Variants in RBM33 observed in about 807,000 individuals in gnomAD.
RBM33 encodes RNA-binding protein 33.
In RBM33, 28 loss-of-function variants were observed where a neutral mutation model predicts 132.6. The ratio of observed to expected loss-of-function variants is 0.21; its 90% confidence interval spans 0.16 to 0.29. The LOEUF (loss-of-function observed/expected upper bound fraction) is 0.29. Ranked by LOEUF, RBM33 falls within the 10% of genes least tolerant of loss-of-function variation. The pLI, the probability that RBM33 is intolerant of heterozygous loss-of-function variation, is 1.00. For synonymous variants in RBM33, 634 were observed against 593.0 expected (o/e 1.07, Z -1.01); for missense variants, 1,291 against 1,518.5 (o/e 0.85, Z 2.49).
At chr7:155,750,814 C>G (rs1374004714) in intron 14 of RBM33, among the ~76,000 whole-genome samples, 3 of 150,222 alleles carry the variant, frequency 2.0e-5, no homozygotes, top group Admixed American at 6.6e-5. Context: ...TTATTCTAAT[C>G]AAGTTAATGA....
intron 10 of RBM33, 33 bp downstream of exon 10, chr7:155,737,695 C>T (rs1445250179): frequency 6.6e-7 from 1 of 1,519,608 alleles, no homozygotes; most frequent in South Asian, 1.3e-5. Flanking sequence ...GGAGTAACAA[C>T]AGAAGCTGCA....
chr7:155,764,900 A>C (rs1212296150), intron 15 of RBM33, among the ~76,000 whole-genome samples: 1 of 152,266 alleles, frequency 6.6e-6, no homozygotes, highest in Non-Finnish European at 1.5e-5. Flanking sequence ...TCTCATAAAC[A>C]CTTCATGATA....
rs990508770 is a variant in RBM33 at position 155,645,066 on chromosome 7, C to T, written c.43+147C>T. 4.6e-5 allele frequency: 25 copies of T among 549,012 alleles called. No individual in the cohort carries two copies. The African/African-American group carries it at 4.6e-4, about 10-fold the overall frequency. The allele number at this position is 549,012 out of a possible 1,614,324, so 34.0% of individuals were successfully genotyped here. On this transcript the variant is annotated intron_variant, in intron 1 of 17. Transcript: ENST00000401878. ...TCGGCCTATTCCGTTTTCTCCCTCG[C>T]CTTCCCTCGCTATTGTCATTCTCCC...
At position 155,644,733 on chromosome 7, in the gene RBM33, C is replaced by G. The variant is rs1585386486; in HGVS notation, c.-144C>G. On this transcript the variant is annotated 5_prime_UTR_variant, in exon 1 of 18. Transcript: ENST00000401878. ...GCGGAGGCGAAGGGCCAGCTGTGGA[C>G]CGCGAAGCGCCCGGCTTCGCCTCTG... 3.2e-6 allele frequency: 2 copies of G among 618,514 alleles called. No individual in the cohort carries two copies. Among genetic ancestry groups the G allele is most frequent in the Admixed American group, 8.4e-5 (2 of 23,908 alleles). 38.3% of individuals were successfully genotyped at this position (618,514 alleles called of 1,614,324 possible).
Position 155,742,739 on chromosome 7 carries a change from A to G in RBM33, c.2337+633A>G, listed in dbSNP as rs541018216. On this transcript the variant is annotated intron_variant, in intron 13 of 17. Coordinates refer to ENST00000401878, the MANE Select transcript of RBM33 (RefSeq NM_053043.3). ...TGTTGTTCCTAATTTTTCAGTAGGC[A>G]CAGAATGTAGTGAGTGTGAACAATC... is the stretch of plus-strand genomic sequence containing the variant. Among the ~76,000 whole-genome samples, 3 of 152,334 alleles carry G rather than the reference A, an allele frequency of 2.0e-5. No individual in the cohort carries two copies. The East Asian group carries it at 5.8e-4, about 29-fold the overall frequency.
intron 1 of RBM33, among the ~76,000 whole-genome samples, chr7:155,649,898 T>A (rs1342452903): frequency 6.6e-6 from 1 of 152,236 alleles, no homozygotes; most frequent in Non-Finnish European, 1.5e-5. Context: ...CTTCTGCATA[T>A]GCGTAGCTCA....
At chr7:155,703,821 A>T (rs1217866718) in intron 6 of RBM33, among the ~76,000 whole-genome samples, 1 of 152,256 alleles carries the variant, frequency 6.6e-6, no homozygotes, top group Non-Finnish European at 1.5e-5. Context: ...ATCAAAATAA[A>T]AAAACCTGAA....
At chr7:155,669,363 T>C (rs1798883828) in intron 2 of RBM33, among the ~76,000 whole-genome samples, 1 of 152,160 alleles carries the variant, frequency 6.6e-6, no homozygotes, top group Non-Finnish European at 1.5e-5. Context: ...AGTTTTTGTT[T>C]GTTTTTGTTT....
In RBM33 at chr7:155,695,166, C is replaced by G. The variant is rs147449538; in HGVS notation, c.568-5607C>G. 1.7e-3 allele frequency among the ~76,000 whole-genome samples: 256 copies of G among 152,230 alleles called. 2 individuals carry two copies. The highest frequency in any genetic ancestry group is 5.9e-3 in the African/African-American group (245 of 41,532). On this transcript the variant is annotated intron_variant, in intron 5 of 17. Transcript: ENST00000401878. ...CACCATTCCATGTGCGATTGGACTTCCGTATATCTTCTTTGCTTCTAGTTT... is the reference window on the plus strand; with the variant it reads ...CACCATTCCATGTGCGATTGGACTTGCGTATATCTTCTTTGCTTCTAGTTT...
chr7:155,660,039 T>G (rs991556575), intron 1 of RBM33, among the ~76,000 whole-genome samples: 1 of 152,252 alleles, frequency 6.6e-6, no homozygotes, highest in African/African-American at 2.4e-5. Context: ...ATATCCAGTG[T>G]GATCTCATCC....
In RBM33 at chr7:155,745,487, G is replaced by A. The variant is rs773379084; in HGVS notation, c.2864G>A (p.Arg955Gln). 11 of 1,613,526 alleles carry A rather than the reference G, an allele frequency of 6.8e-6. No homozygotes were observed. The highest frequency in any genetic ancestry group is 3.3e-4 in the Middle Eastern group (2 of 6,060). Residue 955 changes from arginine (R) to glutamine (Q), a missense_variant, in exon 14 of 18, where the codon CGG becomes CAG. Arg to Gln is a conservative substitution (Grantham distance 43, BLOSUM62 1). This residue lies in a region of RBM33 where 841 missense variants were observed against 912.0 expected (regional missense o/e 0.92). Coordinates refer to ENST00000401878, the MANE Select transcript of RBM33 (RefSeq NM_053043.3). The surrounding 1 kb of genome is among the most constrained non-coding windows in gnomAD (Gnocchi z 4.1). ...CCTCGAGTGGCGTCCATCCAGGGCCGGCCCCAGGACACAAAGCCTGGCGTG... is the reference window on the plus strand; with the variant it reads ...CCTCGAGTGGCGTCCATCCAGGGCCAGCCCCAGGACACAAAGCCTGGCGTG... ...QTPRVASIQG[R>Q]PQDTKPGVKR... is the part of the protein sequence containing the mutation.
At chr7:155,707,183 G>C in intron 7 of RBM33, 115 bp downstream of exon 7, 1 of 948,370 alleles carries the variant, frequency 1.1e-6, no homozygotes, top group East Asian at 2.6e-5. Flanking sequence ...AAGGTTAGTA[G>C]CAGGGGTAAT....
Position 155,739,819 on chromosome 7 carries a change from G to GC in RBM33, c.1847dup (p.Pro617AlafsTer68). 2 of 469,800 alleles carry GC rather than the reference G, an allele frequency of 4.3e-6. No individual in the cohort carries two copies. Among genetic ancestry groups the GC allele is most frequent in the Admixed American group, 5.2e-5 (1 of 19,120 alleles). The allele number at this position is 469,800 out of a possible 1,614,324, so 29.1% of individuals were successfully genotyped here. On this transcript the variant is annotated frameshift_variant, in exon 12 of 18. Transcript: ENST00000401878. LOFTEE classifies it high-confidence loss of function. ...AGCCTCCGCACCAGCCCCCGCACCA[G>GC]CCCCCGCCCCAGCACCAGCCCCCAC...
chr7:155,673,703 TAC>T (rs574765953), intron 3 of RBM33, among the ~76,000 whole-genome samples: 6 of 127,650 alleles, frequency 4.7e-5, no homozygotes, highest in African/African-American at 1.8e-4. Context: ...CATATATACA[TAC>T]ACACGTGTAT....
At chr7:155,683,457 G>A (rs900661433) in intron 5 of RBM33, among the ~76,000 whole-genome samples, 5 of 152,146 alleles carry the variant, frequency 3.3e-5, no homozygotes, top group Admixed American at 6.5e-5. Context: ...TCTAAGACTT[G>A]AACTCTGAAA....
intron 9 of RBM33, among the ~76,000 whole-genome samples, chr7:155,722,696 GT>G (rs1333856895): frequency 6.6e-6 from 1 of 152,092 alleles, no homozygotes; most frequent in African/African-American, 2.4e-5. Flanking sequence ...TTAACATGTT[GT>G]TTTGAGACTT....
At chr7:155,767,640 C>G (rs1290985099) in intron 16 of RBM33, among the ~76,000 whole-genome samples, 1 of 152,196 alleles carries the variant, frequency 6.6e-6, no homozygotes, top group Non-Finnish European at 1.5e-5. Context: ...GGTTTAATTG[C>G]TGCCATCTTC....
rs1320819301 is a variant in RBM33, at chr7:155,764,005, A to C, written c.3173A>C (p.His1058Pro). The C allele has an allele frequency of 1.3e-6, 2 of 1,547,606 alleles. No individual in the cohort carries two copies. Among genetic ancestry groups the C allele is most frequent in the Non-Finnish European group, 1.7e-6 (2 of 1,146,260 alleles). Residue 1058 changes from histidine to proline, a missense_variant, in exon 15 of 18, where the codon CAC becomes CCC. This residue lies in a region of RBM33 where 841 missense variants were observed against 912.0 expected (regional missense o/e 0.92). Coordinates refer to ENST00000401878, the MANE Select transcript of RBM33 (RefSeq NM_053043.3). ...GGGATCAAAAGCATCCAAGGAATTCACCCGGCGAAGAAGGTACTGCTTGTT... is the reference window on the plus strand; with the variant it reads ...GGGATCAAAAGCATCCAAGGAATTCCCCCGGCGAAGAAGGTACTGCTTGTT... Reference protein sequence around the residue: ...PPGIKSIQGIHPAKKAIMHGR... With the variant: ...PPGIKSIQGIPPAKKAIMHGR...
intron 1 of RBM33, among the ~76,000 whole-genome samples, chr7:155,655,166 G>T (rs747452849): frequency 4.6e-5 from 7 of 152,158 alleles, no homozygotes; most frequent in Non-Finnish European, 4.4e-5. Context: ...ACGTGTACAC[G>T]TATGTTTTAC....
Sources: allele counts gnomAD v4.1 joint callset (sites outside exome capture counted in the v4.1 genomes callset), GRCh38; gene constraint gnomAD v4.1.1; regional missense constraint gnomAD v4.1.1; non-coding constraint Gnocchi (gnomAD v3.1); transcripts MANE v1.5; gene names NCBI Gene and HGNC (gene_info 2026-07-23, HGNC 2026-07-21).